The following DSCAM variants were observed in gnomAD, a reference collection of about 807,000 sequenced individuals.
DSCAM encodes DS cell adhesion molecule, also known as cell adhesion molecule DSCAM.
In DSCAM, 47 loss-of-function variants were observed where a neutral mutation model predicts 217.7. The observed-to-expected ratio is 0.22, with a 90% CI of 0.17 to 0.28. DSCAM has a LOEUF of 0.28. DSCAM is among the 10% of genes least tolerant of loss of function. DSCAM has a pLI of 1.00. For missense variants in DSCAM, 2,080 were observed against 2,618.3 expected, an observed-to-expected ratio of 0.79 and a Z score of 4.49; for synonymous variants, 1,056 against 1,015.3, an observed-to-expected ratio of 1.04 and a Z score of -0.76.
At chr21:40,594,131 G>C (rs1480137949) in intron 3 of DSCAM, among the ~76,000 whole-genome samples, 1 of 152,114 alleles carries the variant, frequency 6.6e-6, no homozygotes, top group South Asian at 2.1e-4. Context: ...CATCCATAAG[G>C]CCTGTAGGAA....
In DSCAM at chr21:40,450,226, T is replaced by C. The variant is rs369464005; in HGVS notation, c.509-80981A>G. Among the ~76,000 whole-genome samples the C allele has an allele frequency of 3.3e-4, 50 of 152,292 alleles. No homozygotes were observed. In the South Asian group the frequency reaches 9.9e-3, roughly 30 times the overall value. ...AAACAACGTAACATAAAATAATACA[T>C]CTGAAGATTCCTGCTTGCTTTGATA... On this transcript the variant is annotated intron_variant, in intron 3 of 32. Transcript: ENST00000400454.
intron 6 of DSCAM, among the ~76,000 whole-genome samples, chr21:40,345,201 C>T (rs540577183): frequency 5.4e-4 from 82 of 152,186 alleles, no homozygotes; most frequent in African/African-American, 1.9e-3. Flanking sequence ...CTGTAAAGTC[C>T]TTGTTTGCCA....
At chr21:40,818,205 G>GA (rs1883149163) in intron 1 of DSCAM, among the ~76,000 whole-genome samples, 1 of 151,606 alleles carries the variant, frequency 6.6e-6, no homozygotes, top group East Asian at 2.0e-4. Context: ...ACACTGCCTG[G>GA]ATGGAGGCAC....
chr21:40,074,888 G>T, intron 27 of DSCAM, 149 bp downstream of exon 27: 2 of 743,218 alleles, frequency 2.7e-6, no homozygotes, highest in Non-Finnish European at 2.1e-6. Flanking sequence ...TCTCGCTGAA[G>T]GAATGTCAGA....
At chr21:40,079,931 T>C (rs1319388864) in intron 25 of DSCAM, among the ~76,000 whole-genome samples, 1 of 151,988 alleles carries the variant, frequency 6.6e-6, no homozygotes, top group African/African-American at 2.4e-5. Context: ...AAACTGACAT[T>C]CTTCTTTTTA....
intron 3 of DSCAM, among the ~76,000 whole-genome samples, chr21:40,469,441 A>C (rs2075870584): frequency 6.6e-6 from 1 of 152,136 alleles, no homozygotes; most frequent in African/African-American, 2.4e-5. Context: ...GGGCTCCTGG[A>C]GCTGTCTCTG....
chr21:40,530,028 T>C (rs1412826212), intron 3 of DSCAM, among the ~76,000 whole-genome samples: 1 of 152,178 alleles, frequency 6.6e-6, no homozygotes, highest in African/African-American at 2.4e-5. Context: ...AAGAGATGCC[T>C]TAACATGATG....
chr21:40,814,844 G>A (rs1432931818), intron 1 of DSCAM, among the ~76,000 whole-genome samples: 11 of 152,096 alleles, frequency 7.2e-5, no homozygotes, highest in African/African-American at 2.4e-4. Context: ...ACTGACCTTC[G>A]ATTACCTCAC....
At chr21:40,632,189 C>G (rs375838427) in intron 3 of DSCAM, among the ~76,000 whole-genome samples, 2 of 152,074 alleles carry the variant, frequency 1.3e-5, no homozygotes, top group Admixed American at 6.6e-5. Flanking sequence ...ATGAGCCTGT[C>G]AGAAATAGGA....
chr21:40,572,800 A>C (rs2076818452), intron 3 of DSCAM, among the ~76,000 whole-genome samples: 1 of 152,244 alleles, frequency 6.6e-6, no homozygotes, highest in African/African-American at 2.4e-5. Context: ...TGAAAAGCTC[A>C]CATTCACCAT....
intron 11 of DSCAM, among the ~76,000 whole-genome samples, chr21:40,237,251 C>T (rs1350342497): frequency 6.6e-6 from 1 of 152,136 alleles, no homozygotes; most frequent in African/African-American, 2.4e-5. Context: ...TTCTGGGGTA[C>T]ATGTGGAGAA....
chr21:40,132,960 G>C (rs1391844385), intron 19 of DSCAM, among the ~76,000 whole-genome samples: 1 of 152,176 alleles, frequency 6.6e-6, no homozygotes, highest in Non-Finnish European at 1.5e-5. Flanking sequence ...TTGGGGAACA[G>C]AGTCCCGGCA....
chr21:40,040,528 GAC>G (rs2088727102), intron 32 of DSCAM, among the ~76,000 whole-genome samples: 1 of 152,202 alleles, frequency 6.6e-6, no homozygotes, highest in Non-Finnish European at 1.5e-5. Context: ...TTAACTGGGT[GAC>G]ACACAATTGA....
chr21:40,055,140 G>C (rs969477719), intron 29 of DSCAM, among the ~76,000 whole-genome samples: 5 of 152,100 alleles, frequency 3.3e-5, no homozygotes, highest in Non-Finnish European at 5.9e-5. Context: ...AAAACCTCAG[G>C]GTGGCTGTTC....
At chr21:40,025,663 G>C (rs1444186636) in intron 32 of DSCAM, among the ~76,000 whole-genome samples, 1 of 151,032 alleles carries the variant, frequency 6.6e-6, no homozygotes, top group Non-Finnish European at 1.5e-5. Context: ...TTGCGTAGAG[G>C]TGTTTGTAGT....
intron 3 of DSCAM, among the ~76,000 whole-genome samples, chr21:40,537,947 A>T (rs184990351): frequency 3.0e-4 from 45 of 152,268 alleles, no homozygotes; most frequent in African/African-American, 9.6e-4. Flanking sequence ...GTGGTTTTGG[A>T]GGGCCCTGAA....
chr21:40,435,829 C>A (rs2075577819), intron 3 of DSCAM, among the ~76,000 whole-genome samples: 1 of 152,148 alleles, frequency 6.6e-6, no homozygotes, highest in Non-Finnish European at 1.5e-5. Flanking sequence ...AAAAGTGATA[C>A]CCATTCAATA....
intron 3 of DSCAM, among the ~76,000 whole-genome samples, chr21:40,690,241 G>A (rs915558471): frequency 6.6e-6 from 1 of 152,230 alleles, no homozygotes; most frequent in African/African-American, 2.4e-5. Context: ...AACAGGGTCT[G>A]ACTGTAGCAG....
intron 8 of DSCAM, among the ~76,000 whole-genome samples, chr21:40,314,023 T>C (rs1255678261): frequency 6.6e-6 from 1 of 152,232 alleles, no homozygotes; most frequent in African/African-American, 2.4e-5. Context: ...TTCATTTATT[T>C]GTTCATTCAA....
Sources: allele counts gnomAD v4.1 joint callset (sites outside exome capture counted in the v4.1 genomes callset), GRCh38; gene constraint gnomAD v4.1.1; transcripts MANE v1.5; gene names NCBI Gene and HGNC (gene_info 2026-07-23, HGNC 2026-07-21).